NRG4: variants seen among roughly 807,000 people sequenced by gnomAD.
NRG4 encodes pro-neuregulin-4, membrane-bound isoform.
In NRG4, 10 loss-of-function variants were observed where a neutral mutation model predicts 15.0. The observed-to-expected ratio is 0.67, with a 90% confidence interval of 0.41 to 1.13. The LOEUF is 1.13. NRG4 is among the 50% of genes most tolerant of loss of function. The pLI, the probability that NRG4 is intolerant of heterozygous loss-of-function variation, is 0.00. For synonymous variants in NRG4, 41 were observed against 50.1 expected (o/e 0.82, Z 0.77); for missense variants, 139 against 140.2 (o/e 0.99, Z 0.04).
intron 3 of NRG4, among the ~76,000 whole-genome samples, chr15:76,003,806 A>G (rs1255274949): frequency 6.6e-6 from 1 of 152,226 alleles, no homozygotes; most frequent in Non-Finnish European, 1.5e-5. Flanking sequence ...ATAAACAAAC[A>G]AAACAACTGG....
intron 1 of NRG4, among the ~76,000 whole-genome samples, chr15:76,057,879 C>T (rs1466353165): frequency 6.6e-6 from 1 of 150,508 alleles, no homozygotes; most frequent in Non-Finnish European, 1.5e-5. Flanking sequence ...TATAAATAGC[C>T]ATTGTAGAAA....
At chr15:75,988,900 A>G (rs1036521236) in intron 3 of NRG4, among the ~76,000 whole-genome samples, 1 of 126,262 alleles carries the variant, frequency 7.9e-6, no homozygotes, top group Non-Finnish European at 1.6e-5. Flanking sequence ...CTCTGTGCCC[A>G]GGCCGGAGTG....
intron 4 of NRG4, among the ~76,000 whole-genome samples, chr15:76,044,556 C>T (rs2035823944): frequency 6.7e-6 from 1 of 150,074 alleles, no homozygotes; most frequent in Admixed American, 6.6e-5. Context: ...CTTGAGTAGG[C>T]CGGGTGCAGT....
rs544216547 is a variant in NRG4, at chr15:75,977,005, C to A, written c.105-15031G>T. On this transcript the variant is annotated intron_variant, in intron 3 of 5. Coordinates refer to ENST00000394907, the MANE Select transcript of NRG4 (RefSeq NM_138573.4). This position sits in a 1 kb window ranked among gnomAD's most constrained non-coding sequence, Gnocchi z 4.9. ...GTAAGTCCCTGACTGGGGCTGCTGC[C>A]TTTCTTTCAGAGATGCCCTGCCCAG... Among the ~76,000 whole-genome samples the A allele has an allele frequency of 2.0e-5, 3 of 152,350 alleles. No individual in the cohort carries two copies. In the East Asian group the frequency reaches 5.8e-4, roughly 29 times the overall value.
At chr15:76,027,121 AAAAATAAAAT>A (rs958991312) in intron 5 of NRG4, among the ~76,000 whole-genome samples, 5 of 152,082 alleles carry the variant, frequency 3.3e-5, no homozygotes, top group South Asian at 4.1e-4. Flanking sequence ...ACTCCATCTC[AAAAATAAAAT>A]AAAATAAAAT....
chr15:76,009,081 A>G (rs2034712035), intron 3 of NRG4, 119 bp downstream of exon 3: 6 of 667,638 alleles, frequency 9.0e-6, no homozygotes, highest in Non-Finnish European at 1.6e-5. Context: ...CTAAATAAAT[A>G]TGAATATGCC....
Position 75,941,448 on chromosome 15 carries a change from G to A in NRG4, c.*2190C>T, listed in dbSNP as rs1040199760. On this transcript the variant is annotated 3_prime_UTR_variant, in exon 6 of 6. Transcript: ENST00000394907. ...GTATATACACAAAATAATTGAAAGC[G>A]GAGGCTTGAGGGTATATTTGTATAC... The A allele has an allele frequency of 2.0e-5, 3 of 152,068 alleles. No individual in the cohort carries two copies. Among genetic ancestry groups the A allele is most frequent in the Admixed American group, 6.5e-5 (1 of 15,274 alleles). The allele number at this position is 152,068 out of a possible 1,614,324, so 9.4% of individuals were successfully genotyped here.
chr15:76,016,546 T>C (rs2034986012), upstream of NRG4, among the ~76,000 whole-genome samples: 6 of 152,222 alleles, frequency 3.9e-5, no homozygotes, highest in Non-Finnish European at 1.5e-5. Flanking sequence ...TTCTTTGTTC[T>C]TATTGGTTTC....
intron 4 of NRG4, among the ~76,000 whole-genome samples, chr15:76,038,083 T>G (rs984647634): frequency 6.6e-6 from 1 of 152,150 alleles, no homozygotes; most frequent in African/African-American, 2.4e-5. Flanking sequence ...TAAAGAGCCC[T>G]TGAGACCCTG....
chr15:75,949,643 TTG>T (rs2031760729), intron 5 of NRG4, among the ~76,000 whole-genome samples: 1 of 152,232 alleles, frequency 6.6e-6, no homozygotes, highest in African/African-American at 2.4e-5. Context: ...GCTTTTTGTA[TTG>T]TATCTAAAAA....
chr15:76,023,735 T>C (rs1205144775), intron 5 of NRG4, among the ~76,000 whole-genome samples: 1 of 152,216 alleles, frequency 6.6e-6, no homozygotes, highest in Admixed American at 6.5e-5. Flanking sequence ...AGATGGCTGA[T>C]GCCATAACCC....
chr15:76,001,519 C>T (rs1217605883), intron 3 of NRG4, among the ~76,000 whole-genome samples: 1 of 152,202 alleles, frequency 6.6e-6, no homozygotes, highest in Non-Finnish European at 1.5e-5. Context: ...ATTTCAAGTG[C>T]TCAGTAGCCA....
At chr15:75,936,771 T>TC (rs1278404335), downstream of NRG4, 1 of 151,676 alleles carries the variant, frequency 6.6e-6, no homozygotes, top group Non-Finnish European at 1.5e-5. Context: ...ATGGGGTTTC[T>TC]CTGTGTTGGT....
At chr15:75,956,913 GCTTT>G (rs1279930771) in intron 4 of NRG4, among the ~76,000 whole-genome samples, 1 of 151,942 alleles carries the variant, frequency 6.6e-6, no homozygotes, top group African/African-American at 2.4e-5. Flanking sequence ...CTGTTTTTTA[GCTTT>G]CTTTTTTATT....
At chr15:75,959,497 C>T (rs1054614290) in intron 4 of NRG4, among the ~76,000 whole-genome samples, 6 of 151,544 alleles carry the variant, frequency 4.0e-5, no homozygotes, top group Admixed American at 4.0e-4. Flanking sequence ...TCTATTTAAT[C>T]TATTCATATA....
intron 5 of NRG4, among the ~76,000 whole-genome samples, chr15:76,026,757 C>T (rs1320756176): frequency 6.6e-6 from 1 of 152,076 alleles, no homozygotes; most frequent in Non-Finnish European, 1.5e-5. Flanking sequence ...AGGTCCTCAT[C>T]AATAATAACC....
At chr15:75,953,967 G>A (rs897917488) in intron 5 of NRG4, among the ~76,000 whole-genome samples, 2 of 151,926 alleles carry the variant, frequency 1.3e-5, no homozygotes, top group African/African-American at 4.8e-5. Flanking sequence ...GATTACAGGC[G>A]TGAGCCAGAG....
intron 5 of NRG4, among the ~76,000 whole-genome samples, chr15:75,953,153 C>T (rs551419303): frequency 1.3e-4 from 20 of 152,242 alleles, no homozygotes; most frequent in Non-Finnish European, 2.5e-4. Flanking sequence ...ATGGTTTTAG[C>T]TCTTATATTT....
intron 4 of NRG4, among the ~76,000 whole-genome samples, chr15:76,044,165 T>A (rs892062060): frequency 3.2e-5 from 4 of 126,014 alleles, no homozygotes; most frequent in Admixed American, 1.5e-4. Context: ...GCCCGGCTAA[T>A]TTTTTTTTTT....
Sources: gnomAD v4.1 joint callset for allele counts (sites outside exome capture counted in the v4.1 genomes callset) on GRCh38, gnomAD v4.1.1 for gene constraint, Gnocchi (gnomAD v3.1) non-coding constraint, MANE v1.5 for transcripts, NCBI Gene and HGNC (gene_info 2026-07-23, HGNC 2026-07-21) for gene names.